Variants in TANC1 observed in about 807,000 individuals in gnomAD.
The protein encoded by TANC1 is protein TANC1.
Under a neutral mutation model 149.7 loss-of-function variants are expected in TANC1, and 77 were observed. That is an observed-to-expected ratio of 0.51 (90% CI 0.43 to 0.62). TANC1 has a LOEUF of 0.62. Ranked by LOEUF, TANC1 falls within the 20% of genes least tolerant of loss-of-function variation. The pLI is 0.00. For synonymous variants in TANC1, 854 were observed against 925.0 expected (o/e 0.92, Z 1.39); for missense variants, 1,985 against 2,321.8 (o/e 0.85, Z 2.98).
intron 16 of TANC1, among the ~76,000 whole-genome samples, chr2:159,192,191 G>T (rs1331639517): frequency 6.6e-6 from 1 of 152,188 alleles, no homozygotes; most frequent in Non-Finnish European, 1.5e-5. Context: ...TTATGCTGCG[G>T]ACAATCATGG....
intron 19 of TANC1, among the ~76,000 whole-genome samples, chr2:159,207,704 A>AAG: frequency 7.5e-6 from 1 of 133,710 alleles, no homozygotes; most frequent in Non-Finnish European, 1.7e-5. Context: ...TCTCAAAAAA[A>AAG]AAAAAAAAAA....
intron 4 of TANC1, among the ~76,000 whole-genome samples, chr2:159,133,110 C>T (rs1340648056): frequency 6.6e-6 from 1 of 152,114 alleles, no homozygotes; most frequent in African/African-American, 2.4e-5. Flanking sequence ...TTTAGATTTG[C>T]TGTTACTGTA....
chr2:159,022,838 T>G (rs916229951), intron 2 of TANC1, among the ~76,000 whole-genome samples: 1 of 152,148 alleles, frequency 6.6e-6, no homozygotes, highest in Non-Finnish European at 1.5e-5. Flanking sequence ...GCTTTGTAGC[T>G]CGACAGACCT....
intron 3 of TANC1, among the ~76,000 whole-genome samples, chr2:159,092,269 C>T (rs2045633992): frequency 1.3e-5 from 2 of 152,184 alleles, no homozygotes; most frequent in South Asian, 4.1e-4. Context: ...CTTTCTCAGG[C>T]CTTCCCTTCC....
chr2:159,062,994 A>G (rs2149676608), intron 2 of TANC1, among the ~76,000 whole-genome samples: 1 of 148,296 alleles, frequency 6.7e-6, no homozygotes, highest in Admixed American at 6.7e-5. Context: ...AAAAAAAAAA[A>G]AGAAAGCAAA....
intron 8 of TANC1, among the ~76,000 whole-genome samples, chr2:159,167,266 G>A (rs2054699990): frequency 6.6e-6 from 1 of 152,180 alleles, no homozygotes; most frequent in African/African-American, 2.4e-5. Context: ...CCTTCTACCT[G>A]TGCCTTGGTG....
At chr2:159,100,880 A>AC (rs1202025948) in intron 4 of TANC1, among the ~76,000 whole-genome samples, 1 of 152,114 alleles carries the variant, frequency 6.6e-6, no homozygotes. Flanking sequence ...AATAATTTAA[A>AC]AAAAAAACTG....
intron 7 of TANC1, among the ~76,000 whole-genome samples, chr2:159,162,277 A>C (rs1374447028): frequency 2.0e-5 from 3 of 152,218 alleles, no homozygotes; most frequent in African/African-American, 7.2e-5. Context: ...TTCTGAATGC[A>C]CTTTGGCCCT....
intron 16 of TANC1, among the ~76,000 whole-genome samples, chr2:159,190,261 A>T (rs1414904692): frequency 6.6e-6 from 1 of 152,204 alleles, no homozygotes; most frequent in African/African-American, 2.4e-5. Context: ...TTTTAGGCCC[A>T]TGGATCTCAA....
intron 19 of TANC1, among the ~76,000 whole-genome samples, chr2:159,207,712 A>AAAAAAAC (rs1254929667): frequency 1.3e-5 from 2 of 149,188 alleles, no homozygotes; most frequent in East Asian, 3.9e-4. Flanking sequence ...AAAAAAAAAA[A>AAAAAAAC]AAAAAAAAAA....
intron 4 of TANC1, among the ~76,000 whole-genome samples, chr2:159,132,468 A>AGTTTTGTTTT (rs571738683): frequency 1.3e-5 from 2 of 151,532 alleles, no homozygotes; most frequent in Non-Finnish European, 2.9e-5. Flanking sequence ...GGAGGGGTAC[A>AGTTTTGTTTT]GTTTTGTTTT....
At chr2:158,983,416 G>A (rs2149235548) in intron 1 of TANC1, among the ~76,000 whole-genome samples, 1 of 140,726 alleles carries the variant, frequency 7.1e-6, no homozygotes, top group East Asian at 2.2e-4. Context: ...GCAATGAGCC[G>A]AGATCGCGCC....
At chr2:159,192,032 A>T (rs570119626) in intron 16 of TANC1, among the ~76,000 whole-genome samples, 6 of 152,312 alleles carry the variant, frequency 3.9e-5, no homozygotes, top group South Asian at 4.1e-4. Flanking sequence ...TGAAAAAAAA[A>T]ATATTATTAT....
chr2:159,196,673 C>T lies in TANC1; in HGVS notation c.3045C>T (p.Asp1015=). 4 of 1,614,108 alleles carry T rather than the reference C, an allele frequency of 2.5e-6. No homozygotes were observed. The highest frequency in any genetic ancestry group is 3.4e-6 in the Non-Finnish European group (4 of 1,179,988). ...LVHSALRGHG[D]ILQYLLTCEW... ...ACAGTGCCCTACGGGGCCACGGTGA[C>T]ATTCTCCAGTACCTGCTGACTTGTG... Residue 1015 remains aspartate (D), a synonymous_variant, in exon 18 of 27, where the codon GAC becomes GAT. Transcript: ENST00000263635.
intron 1 of TANC1, among the ~76,000 whole-genome samples, chr2:158,988,925 G>A (rs1011757875): frequency 3.9e-5 from 6 of 152,176 alleles, no homozygotes; most frequent in African/African-American, 1.2e-4. Flanking sequence ...TTCCTGGGGC[G>A]ACTGTATCTG....
intron 4 of TANC1, among the ~76,000 whole-genome samples, chr2:159,113,709 T>C (rs2047977797): frequency 6.6e-6 from 1 of 152,232 alleles, no homozygotes; most frequent in African/African-American, 2.4e-5. Flanking sequence ...TCTTGAAATC[T>C]AATTGCTTGC....
rs183512500 is a variant in TANC1 at position 159,196,760 on chromosome 2, G to C, written c.3132G>C (p.Ala1044=). Residue 1044 remains alanine (A), a synonymous_variant, in exon 18 of 27, where the codon GCG becomes GCC. Transcript: ENST00000263635. ...GGAAGAGCCACGCCCTGCAGCAGGC[G>C]CTGACCGCGGCGGCCAGCATGGGCC... ...TLRKSHALQQ[A]LTAAASMGHS... is the part of the protein sequence containing the mutation. The C allele has an allele frequency of 7.1e-4, 1,153 of 1,612,834 alleles. 7 individuals carry two copies. The African/African-American group carries it at 0.014, about 19-fold the overall frequency.
intron 1 of TANC1, among the ~76,000 whole-genome samples, chr2:158,998,495 A>G (rs1029351370): frequency 6.6e-6 from 1 of 152,156 alleles, no homozygotes; most frequent in Admixed American, 6.5e-5. Context: ...TGCAGCACCT[A>G]CCAGCCACAG....
intron 3 of TANC1, 124 bp downstream of exon 3, chr2:159,066,095 C>G: frequency 5.1e-6 from 4 of 777,806 alleles, no homozygotes; most frequent in Non-Finnish European, 7.0e-6. Context: ...TTAGAACAAA[C>G]AGTGTGCTGG....
Sources: allele counts gnomAD v4.1 joint callset (sites outside exome capture counted in the v4.1 genomes callset), GRCh38; gene constraint gnomAD v4.1.1; transcripts MANE v1.5; gene names NCBI Gene and HGNC (gene_info 2026-07-23, HGNC 2026-07-21).